The following TLK1 variants were observed in gnomAD, a reference collection of about 807,000 sequenced individuals.
TLK1 encodes the protein serine/threonine-protein kinase tousled-like 1.
A neutral mutation model predicts 105.3 loss-of-function variants in TLK1; 24 were observed. The ratio of observed to expected loss-of-function variants is 0.23; its 90% CI spans 0.17 to 0.32. TLK1 has a LOEUF of 0.32. Ranked by LOEUF, TLK1 falls within the 10% of genes least tolerant of loss-of-function variation. The pLI, the probability that TLK1 is intolerant of heterozygous loss-of-function variation, is 1.00. For missense variants in TLK1, 558 were observed against 910.5 expected, an observed-to-expected ratio of 0.61 and a Z score of 4.98; for synonymous variants, 321 against 310.4, an observed-to-expected ratio of 1.03 and a Z score of -0.36.
intron 3 of TLK1, among the ~76,000 whole-genome samples, chr2:171,061,879 G>C (rs1023508974): frequency 5.3e-5 from 8 of 151,900 alleles, no homozygotes; most frequent in African/African-American, 1.9e-4. Context: ...AATTTTATTG[G>C]AACACAGCCA....
At chr2:171,069,098 A>G (rs906510053) in intron 3 of TLK1, among the ~76,000 whole-genome samples, 5 of 152,218 alleles carry the variant, frequency 3.3e-5, no homozygotes, top group African/African-American at 4.8e-5. Context: ...GGCAAATTTG[A>G]TAATTACTGT....
chr2:171,046,061 C>T (rs1315677147), intron 11 of TLK1, 113 bp downstream of exon 11: 2 of 936,614 alleles, frequency 2.1e-6, no homozygotes, highest in Non-Finnish European at 3.0e-6. Context: ...GCCTTCCTTC[C>T]TGGTCTTAAT....
intron 1 of TLK1, among the ~76,000 whole-genome samples, chr2:171,123,057 TACACACACAC>T (rs71008752): frequency 3.9e-4 from 55 of 141,330 alleles, no homozygotes; most frequent in East Asian, 3.0e-3. Context: ...AATAAATAAA[TACACACACAC>T]ACACACACAC....
intron 11 of TLK1, among the ~76,000 whole-genome samples, chr2:171,038,622 T>C (rs1686493097): frequency 1.3e-5 from 2 of 152,176 alleles, no homozygotes; most frequent in Non-Finnish European, 2.9e-5. Context: ...GCTAATTGCA[T>C]TGTGGTCAGG....
chr2:171,146,359 T>G (rs1016764136), intron 1 of TLK1, among the ~76,000 whole-genome samples: 2 of 152,174 alleles, frequency 1.3e-5, no homozygotes, highest in African/African-American at 4.8e-5. Context: ...GTGTGATGAC[T>G]GGGTGCTCAC....
Position 171,010,230 on chromosome 2 carries a change from G to T in TLK1, c.1416+1143C>A, listed in dbSNP as rs1684846088. Among the ~76,000 whole-genome samples, 4 of 152,110 alleles carry T rather than the reference G, an allele frequency of 2.6e-5. No individual in the cohort carries two copies. The South Asian group carries it at 8.3e-4, about 32-fold the overall frequency. On this transcript the variant is annotated intron_variant, in intron 14 of 20. Coordinates refer to ENST00000431350, the MANE Select transcript of TLK1 (RefSeq NM_012290.5). Reference sequence around the variant, plus strand: ...TAGGGGCTTATAATATGTGAGGGGAGGGGAACAAAGGGAAAGGAAGAGCAT... The same window carrying T: ...TAGGGGCTTATAATATGTGAGGGGATGGGAACAAAGGGAAAGGAAGAGCAT...
chr2:171,132,131 A>AG (rs905430650), intron 1 of TLK1, among the ~76,000 whole-genome samples: 1 of 152,228 alleles, frequency 6.6e-6, no homozygotes, highest in African/African-American at 2.4e-5. Flanking sequence ...ATTGACTCAC[A>AG]GTTCTTCATG....
chr2:170,993,929 G>A lies in TLK1; in HGVS notation c.2152C>T (p.Arg718Ter). Residue 718 changes from arginine (R) to a stop codon, truncating the protein, a stop_gained, in exon 21 of 21, where the codon CGA becomes TGA. Coordinates refer to ENST00000431350, the MANE Select transcript of TLK1 (RefSeq NM_012290.5). LOFTEE classifies it high-confidence loss of function. ...KAFIRRCLAY[R>*]KEDRFDVHQL... ...TGCACATCAAATCGATCTTCTTTTCGATATGCCAAACAGCGTCTTATAAAT... is the reference window on the plus strand; with the variant it reads ...TGCACATCAAATCGATCTTCTTTTCAATATGCCAAACAGCGTCTTATAAAT... The A allele has an allele frequency of 6.2e-7, 1 of 1,609,792 alleles. No homozygotes were observed. The highest frequency in any genetic ancestry group is 8.5e-7 in the Non-Finnish European group (1 of 1,178,474).
intron 1 of TLK1, among the ~76,000 whole-genome samples, chr2:171,214,301 C>T (rs934189458): frequency 6.6e-6 from 1 of 152,084 alleles, no homozygotes; most frequent in African/African-American, 2.4e-5. Flanking sequence ...AGTCACGTAA[C>T]CCTTCTGCAC....
intron 2 of TLK1, among the ~76,000 whole-genome samples, chr2:171,086,609 G>C (rs1467152756): frequency 6.8e-5 from 10 of 146,112 alleles, no homozygotes; most frequent in African/African-American, 2.5e-4. Flanking sequence ...CTGGGCAACA[G>C]AGCAAGACTC....
intron 1 of TLK1, among the ~76,000 whole-genome samples, chr2:171,172,554 G>A (rs1179898203): frequency 6.6e-6 from 1 of 152,118 alleles, no homozygotes; most frequent in Non-Finnish European, 1.5e-5. Flanking sequence ...TATTGGAGGT[G>A]GGGCCTGGTG....
At chr2:171,055,298 A>C (rs1006349727) in intron 6 of TLK1, 126 bp from the exon 7 acceptor site, 3 of 588,454 alleles carry the variant, frequency 5.1e-6, no homozygotes, top group Admixed American at 8.1e-5. Context: ...ATAATACCTA[A>C]ATTGAAACAT....
At chr2:171,199,347 CAAAT>C (rs1271234468) in intron 1 of TLK1, among the ~76,000 whole-genome samples, 1 of 152,026 alleles carries the variant, frequency 6.6e-6, no homozygotes, top group Non-Finnish European at 1.5e-5. Context: ...CCTATCTCTA[CAAAT>C]AATTTAAAAA....
intron 2 of TLK1, among the ~76,000 whole-genome samples, chr2:171,115,890 T>C (rs1575606033): frequency 2.0e-5 from 3 of 152,362 alleles, no homozygotes; most frequent in Admixed American, 2.0e-4. Context: ...TTTCATCTTT[T>C]ATGTTTGTGA....
intron 11 of TLK1, among the ~76,000 whole-genome samples, chr2:171,040,542 T>A (rs1448751690): frequency 1.3e-5 from 2 of 150,810 alleles, no homozygotes; most frequent in East Asian, 3.9e-4. Context: ...CTACTAATAA[T>A]GTTATACAAA....
At chr2:171,063,534 G>C (rs1162734816) in intron 3 of TLK1, among the ~76,000 whole-genome samples, 3 of 152,146 alleles carry the variant, frequency 2.0e-5, no homozygotes, top group South Asian at 2.1e-4. Flanking sequence ...ATCTTGACTA[G>C]GTACTCTTGA....
At chr2:171,083,613 A>G (rs1688843194) in intron 2 of TLK1, among the ~76,000 whole-genome samples, 1 of 152,236 alleles carries the variant, frequency 6.6e-6, no homozygotes, top group Non-Finnish European at 1.5e-5. Context: ...TGATGCAAGA[A>G]TTAACATTAC....
At chr2:170,997,686 C>A in intron 19 of TLK1, 26 bp downstream of exon 19, 1 of 1,483,902 alleles carries the variant, frequency 6.7e-7, no homozygotes, top group Non-Finnish European at 9.3e-7. Context: ...CTCTGTAGAG[C>A]TGAAGGCTGG....
chr2:171,145,648 A>G (rs1691764962), intron 1 of TLK1, among the ~76,000 whole-genome samples: 1 of 152,158 alleles, frequency 6.6e-6, no homozygotes, highest in Non-Finnish European at 1.5e-5. Context: ...AAACATGTTC[A>G]TAATACCATT....
Sources: allele counts gnomAD v4.1 joint callset (sites outside exome capture counted in the v4.1 genomes callset), GRCh38; gene constraint gnomAD v4.1.1; transcripts MANE v1.5; gene names NCBI Gene and HGNC (gene_info 2026-07-23, HGNC 2026-07-21).